CEP128: variants seen among roughly 807,000 people sequenced by gnomAD.
The protein encoded by CEP128 is centrosomal protein 128kDa.
CEP128 carries 132 observed loss-of-function variants against 156.7 expected under a neutral mutation model. The observed-to-expected ratio is 0.84, with a 90% CI of 0.73 to 0.97. The LOEUF (loss-of-function observed/expected upper bound fraction) is 0.97, where lower values mean the gene tolerates loss of function less well. CEP128 is among the 50% of genes least tolerant of loss of function. The pLI is 0.00. For missense variants in CEP128, 1,252 were observed against 1,281.9 expected, an observed-to-expected ratio of 0.98 and a Z score of 0.36; for synonymous variants, 469 against 448.9, an observed-to-expected ratio of 1.04 and a Z score of -0.57.
chr14:80,888,358 G>A (rs1252678142), intron 8 of CEP128, among the ~76,000 whole-genome samples: 1 of 152,182 alleles, frequency 6.6e-6, no homozygotes, highest in African/African-American at 2.4e-5. Context: ...TATCCCTGAT[G>A]AACGTTGATG....
intron 21 of CEP128, among the ~76,000 whole-genome samples, chr14:80,540,204 C>T (rs939833636): frequency 6.7e-6 from 1 of 150,190 alleles, no homozygotes; most frequent in African/African-American, 2.5e-5. Flanking sequence ...TACACCCCCC[C>T]CCCTTTTGAA....
At chr14:80,889,978 G>C (rs774522998) in intron 8 of CEP128, among the ~76,000 whole-genome samples, 2 of 152,090 alleles carry the variant, frequency 1.3e-5, no homozygotes, top group Non-Finnish European at 2.9e-5. Flanking sequence ...GATATGAACA[G>C]ACACCTCTCA....
chr14:80,694,097 G>A (rs1477596617), intron 19 of CEP128, among the ~76,000 whole-genome samples: 1 of 152,130 alleles, frequency 6.6e-6, no homozygotes, highest in East Asian at 1.9e-4. Context: ...AATGGGTGAA[G>A]GATATGAACA....
chr14:80,918,913 C>T (rs1051359119), intron 2 of CEP128, among the ~76,000 whole-genome samples: 2 of 152,044 alleles, frequency 1.3e-5, no homozygotes, highest in African/African-American at 4.8e-5. Context: ...TTTTTGTTTC[C>T]TTATTCCTTT....
chr14:80,682,174 G>A (rs1348767795), intron 19 of CEP128, among the ~76,000 whole-genome samples: 1 of 152,078 alleles, frequency 6.6e-6, no homozygotes, highest in Non-Finnish European at 1.5e-5. Flanking sequence ...GAAGCTCAAG[G>A]AGATACAAGA....
intron 19 of CEP128, among the ~76,000 whole-genome samples, chr14:80,600,096 AAC>A (rs1286572859): frequency 6.6e-6 from 1 of 152,204 alleles, no homozygotes. Flanking sequence ...AAGAAAAATG[AAC>A]AGAGACTTAA....
At chr14:80,626,207 G>A (rs1893711043) in intron 19 of CEP128, among the ~76,000 whole-genome samples, 1 of 151,972 alleles carries the variant, frequency 6.6e-6, no homozygotes, top group Non-Finnish European at 1.5e-5. Flanking sequence ...GCTCACGCCT[G>A]TAATCCCAGC....
At chr14:80,643,209 A>G (rs918213647) in intron 19 of CEP128, among the ~76,000 whole-genome samples, 2 of 152,190 alleles carry the variant, frequency 1.3e-5, no homozygotes, top group Non-Finnish European at 2.9e-5. Flanking sequence ...AGTGCCTTAA[A>G]ACCTAATTTA....
chr14:80,925,789 A>C (rs569146762), intron 2 of CEP128, among the ~76,000 whole-genome samples: 8 of 152,148 alleles, frequency 5.3e-5, no homozygotes, highest in Non-Finnish European at 1.2e-4. Flanking sequence ...ATGATAAACC[A>C]GGAGGAAAAC....
intron 8 of CEP128, among the ~76,000 whole-genome samples, chr14:80,878,290 G>A (rs1489739010): frequency 6.6e-6 from 1 of 152,058 alleles, no homozygotes; most frequent in Non-Finnish European, 1.5e-5. Flanking sequence ...CACCCTCCAT[G>A]CCCAAGAACC....
At chr14:80,593,480 G>A (rs1892173134) in intron 19 of CEP128, among the ~76,000 whole-genome samples, 1 of 148,948 alleles carries the variant, frequency 6.7e-6, no homozygotes, top group Admixed American at 6.8e-5. Context: ...GGCGGAGCTT[G>A]CAGTGAGCCC....
At chr14:80,616,113 C>T (rs1741963368) in intron 19 of CEP128, among the ~76,000 whole-genome samples, 1 of 152,200 alleles carries the variant, frequency 6.6e-6, no homozygotes, top group African/African-American at 2.4e-5. Flanking sequence ...TTCAATTTCA[C>T]TCTTGCTGAT....
chr14:80,566,855 A>AG (rs869165627), intron 20 of CEP128, among the ~76,000 whole-genome samples: 2 of 28,530 alleles, frequency 7.0e-5, no homozygotes, highest in African/African-American at 4.1e-4. Flanking sequence ...CATATTGAAG[A>AG]AAAAAAAAAC....
At chr14:80,666,901 AGAAT>A (rs1895639301) in intron 19 of CEP128, among the ~76,000 whole-genome samples, 1 of 152,238 alleles carries the variant, frequency 6.6e-6, no homozygotes, top group East Asian at 1.9e-4. Flanking sequence ...ACTTCCAATC[AGAAT>A]GGCATAGTAA....
chr14:80,847,557 CATTG>C (rs1334838130), intron 9 of CEP128, among the ~76,000 whole-genome samples: 3 of 152,084 alleles, frequency 2.0e-5, no homozygotes, highest in Non-Finnish European at 2.9e-5. Flanking sequence ...GTGTTTCAGC[CATTG>C]ATTGGTAAAG....
In CEP128 at chr14:80,778,024, T is replaced by C; in HGVS notation, c.2234A>G (p.Asn745Ser). 5.6e-6 allele frequency: 9 copies of C among 1,613,400 alleles called. No individual in the cohort carries two copies. Among genetic ancestry groups the C allele is most frequent in the Non-Finnish European group, 7.6e-6 (9 of 1,179,864 alleles). Residue 745 changes from asparagine (N) to serine (S), a missense_variant, in exon 16 of 25, where the codon AAT becomes AGT. Physicochemically the swap from Asn to Ser is conservative, Grantham distance 46 (BLOSUM62 1). Transcript: ENST00000555265. ...CTGACCACGATGAATTTTAGCCATATTCTTCTCTTCTAAACTTTCAGCCTG... is the reference window on the plus strand; with the variant it reads ...CTGACCACGATGAATTTTAGCCATACTCTTCTCTTCTAAACTTTCAGCCTG... ...TLKAESLEEK[N>S]MAKIHRGQLE...
At chr14:80,842,868 T>C (rs1595485205) in intron 9 of CEP128, among the ~76,000 whole-genome samples, 1 of 152,084 alleles carries the variant, frequency 6.6e-6, no homozygotes, top group Non-Finnish European at 1.5e-5. Flanking sequence ...AGATTGTCTT[T>C]TACACGTTGA....
chr14:80,669,956 T>G (rs1341146636), intron 19 of CEP128, among the ~76,000 whole-genome samples: 1 of 152,098 alleles, frequency 6.6e-6, no homozygotes, highest in African/African-American at 2.4e-5. Flanking sequence ...TGGGGAGGCC[T>G]CAGGAAGCTT....
At chr14:80,889,922 AT>A (rs1306468967) in intron 8 of CEP128, among the ~76,000 whole-genome samples, 2 of 152,174 alleles carry the variant, frequency 1.3e-5, no homozygotes, top group Non-Finnish European at 2.9e-5. Context: ...ACTTAAACAT[AT>A]TTACAAGAAA....
Sources: gnomAD v4.1 joint callset for allele counts (sites outside exome capture counted in the v4.1 genomes callset) on GRCh38, gnomAD v4.1.1 for gene constraint, MANE v1.5 for transcripts, NCBI Gene and HGNC (gene_info 2026-07-23, HGNC 2026-07-21) for gene names.